ITGB8: variants seen among roughly 807,000 people sequenced by gnomAD.
ITGB8 encodes integrin subunit beta 8, also known as integrin beta-8.
Under a neutral mutation model 89.5 loss-of-function variants are expected in ITGB8, and 30 were observed. That is an observed-to-expected ratio of 0.34 (90% CI 0.25 to 0.45). The LOEUF (loss-of-function observed/expected upper bound fraction) is 0.45. Ranked by LOEUF, ITGB8 falls within the 20% of genes least tolerant of loss-of-function variation. ITGB8 has a pLI of 1.00. For missense variants in ITGB8, 836 were observed against 933.3 expected (o/e 0.90, Z 1.36); for synonymous variants, 335 against 320.4 (o/e 1.05, Z -0.49).
At chr7:20,335,902 C>G (rs1332787522) in intron 1 of ITGB8, among the ~76,000 whole-genome samples, 7 of 152,024 alleles carry the variant, frequency 4.6e-5, no homozygotes, top group African/African-American at 1.7e-4. Context: ...AGCTCCTTCT[C>G]CATCTCTGAT....
Position 20,415,067 on chromosome 7 carries a change from T to C in ITGB8, c.*5070T>C, listed in dbSNP as rs1179380803. On this transcript the variant is annotated 3_prime_UTR_variant, in exon 14 of 14. Coordinates refer to ENST00000222573, the MANE Select transcript of ITGB8 (RefSeq NM_002214.3). ...AATTTTTACCAACTTTACATTTTCC[T>C]ACAGATAAATGTGAAATTTTGATAA... 1 of 152,572 alleles carries C rather than the reference T, an allele frequency of 6.6e-6. No individual in the cohort carries two copies. The highest frequency in any genetic ancestry group is 2.4e-5 in the African/African-American group (1 of 41,446). 9.5% of individuals were successfully genotyped at this position (152,572 alleles called of 1,614,324 possible). A position where few individuals can be genotyped will look rare whatever the true frequency, so the allele number is the denominator to read the frequency against.
intron 1 of ITGB8, among the ~76,000 whole-genome samples, chr7:20,343,373 C>A (rs1784824892): frequency 6.6e-6 from 1 of 152,172 alleles, no homozygotes; most frequent in African/African-American, 2.4e-5. Flanking sequence ...AGGAAGTTTT[C>A]TCTGGCCCTC....
In ITGB8 at chr7:20,350,670, C is replaced by G. The variant is rs547655052; in HGVS notation, c.128-12967C>G. ...CATCATCAACGAGGAAGCAAAGCCT[C>G]AGCAGTTAGTTTATGAAGCCGAGGC... On this transcript the variant is annotated intron_variant, in intron 1 of 13. Coordinates refer to ENST00000222573, the MANE Select transcript of ITGB8 (RefSeq NM_002214.3). Among the ~76,000 whole-genome samples the G allele has an allele frequency of 4.1e-4, 62 of 152,332 alleles. 3 individuals are homozygous for G. In the South Asian group the frequency reaches 0.013, roughly 32 times the overall value.
At chr7:20,340,786 CT>C (rs1413933333) in intron 1 of ITGB8, among the ~76,000 whole-genome samples, 53 of 152,130 alleles carry the variant, frequency 3.5e-4, no homozygotes, top group African/African-American at 1.2e-3. Flanking sequence ...AAGCTTCATC[CT>C]TATGGAATGA....
intron 1 of ITGB8, among the ~76,000 whole-genome samples, chr7:20,353,806 C>T (rs1785191705): frequency 6.6e-6 from 1 of 150,496 alleles, no homozygotes; most frequent in Non-Finnish European, 1.5e-5. Context: ...GTGGCGCGCG[C>T]CTGTAGTCCC....
intron 8 of ITGB8, 61 bp downstream of exon 8, chr7:20,395,046 G>A (rs1478686211): frequency 1.1e-6 from 1 of 921,162 alleles, no homozygotes; most frequent in Non-Finnish European, 1.7e-6. Flanking sequence ...CTGTGACAAG[G>A]TACAAAGTAG....
At chr7:20,340,933 T>A (rs920616466) in intron 1 of ITGB8, among the ~76,000 whole-genome samples, 3 of 152,240 alleles carry the variant, frequency 2.0e-5, no homozygotes, top group Non-Finnish European at 4.4e-5. Context: ...ATAGGGAATG[T>A]CTTTTCTAAT....
At chr7:20,342,176 A>T (rs1784780716) in intron 1 of ITGB8, among the ~76,000 whole-genome samples, 1 of 152,182 alleles carries the variant, frequency 6.6e-6, no homozygotes, top group Admixed American at 6.5e-5. Context: ...CAAGCTCCAG[A>T]GGACGTAAGA....
At chr7:20,336,725 A>G (rs943117288) in intron 1 of ITGB8, among the ~76,000 whole-genome samples, 2 of 152,148 alleles carry the variant, frequency 1.3e-5, no homozygotes, top group Non-Finnish European at 2.9e-5. Flanking sequence ...CTCCTCATAC[A>G]ACTTCCTCCC....
At chr7:20,384,152 A>G (rs1029016185) in intron 6 of ITGB8, among the ~76,000 whole-genome samples, 4 of 152,208 alleles carry the variant, frequency 2.6e-5, no homozygotes, top group African/African-American at 9.6e-5. Flanking sequence ...GTGCATTTCA[A>G]AATGACCTCT....
chr7:20,330,527 C>T (rs140914705), upstream of ITGB8, among the ~76,000 whole-genome samples: 453 of 152,278 alleles, frequency 3.0e-3, 4 homozygotes, highest in African/African-American at 0.011. Flanking sequence ...GCGTGCCATT[C>T]CTGTTGCGCG....
intron 12 of ITGB8, among the ~76,000 whole-genome samples, chr7:20,407,722 A>C (rs1787603058): frequency 6.6e-6 from 1 of 152,166 alleles, no homozygotes; most frequent in Non-Finnish European, 1.5e-5. Flanking sequence ...TACTATCAAC[A>C]TGTCATTTAT....
At chr7:20,357,682 G>C (rs79623017) in intron 1 of ITGB8, among the ~76,000 whole-genome samples, 10 of 152,196 alleles carry the variant, frequency 6.6e-5, no homozygotes, top group African/African-American at 2.4e-4. Flanking sequence ...TTGTTACTGC[G>C]GAGGAGATGG....
At chr7:20,400,402 A>T (rs1227228503) in intron 9 of ITGB8, among the ~76,000 whole-genome samples, 1 of 145,552 alleles carries the variant, frequency 6.9e-6, no homozygotes, top group African/African-American at 2.8e-5. Context: ...CTCAAAGACA[A>T]AAGCATTTTA....
At chr7:20,390,996 C>T (rs766291672) in intron 6 of ITGB8, among the ~76,000 whole-genome samples, 2 of 151,942 alleles carry the variant, frequency 1.3e-5, no homozygotes, top group African/African-American at 4.8e-5. Context: ...TAGGCATATA[C>T]ATATACATGC....
intron 4 of ITGB8, chr7:20,379,618 C>A (rs1490417157): frequency 6.5e-6 from 1 of 153,054 alleles, no homozygotes; most frequent in Non-Finnish European, 1.4e-5. Context: ...ATATAAATAC[C>A]TCTTTGGAAA....
At chr7:20,369,383 A>G (rs1212612754) in intron 3 of ITGB8, among the ~76,000 whole-genome samples, 1 of 152,188 alleles carries the variant, frequency 6.6e-6, no homozygotes, top group Non-Finnish European at 1.5e-5. Flanking sequence ...GTTCCTGGTG[A>G]GAGGTCTCAT....
intron 1 of ITGB8, among the ~76,000 whole-genome samples, chr7:20,339,890 T>C (rs1784697643): frequency 6.6e-6 from 1 of 152,110 alleles, no homozygotes; most frequent in Non-Finnish European, 1.5e-5. Flanking sequence ...TAGCCGGGCA[T>C]GGTGGCAGAC....
chr7:20,386,149 C>T (rs1272560409), intron 6 of ITGB8, among the ~76,000 whole-genome samples: 5 of 152,026 alleles, frequency 3.3e-5, no homozygotes, highest in East Asian at 1.9e-4. Context: ...CTTTTAAAAA[C>T]GATTGTTCCA....
Sources: gnomAD v4.1 joint callset for allele counts (sites outside exome capture counted in the v4.1 genomes callset) on GRCh38, gnomAD v4.1.1 for gene constraint, MANE v1.5 for transcripts, NCBI Gene and HGNC (gene_info 2026-07-23, HGNC 2026-07-21) for gene names.